The following ATL1 variants were observed in gnomAD, a reference collection of about 807,000 sequenced individuals.
ATL1 encodes atlastin GTPase 1.
In ATL1, 31 loss-of-function variants were observed where a neutral mutation model predicts 75.5. The observed-to-expected ratio is 0.41, with a 90% CI of 0.31 to 0.55. The LOEUF (loss-of-function observed/expected upper bound fraction) is 0.55, where lower values mean the gene tolerates loss of function less well. Among genes scored for constraint, ATL1 ranks in the 20% least tolerant of loss-of-function variants. The pLI is 0.27. For missense variants in ATL1, 405 were observed against 662.6 expected (o/e 0.61, Z 4.27); for synonymous variants, 226 against 233.3 (o/e 0.97, Z 0.28).
chr14:50,595,692 G>A, intron 6 of ATL1, 60 bp downstream of exon 6: 2 of 1,457,042 alleles, frequency 1.4e-6, no homozygotes, highest in South Asian at 2.3e-5. Flanking sequence ...CTGTAACCAG[G>A]TATATTAATT....
chr14:50,570,176 T>A (rs2038941523), intron 1 of ATL1, among the ~76,000 whole-genome samples: 2 of 152,204 alleles, frequency 1.3e-5, no homozygotes, highest in African/African-American at 4.8e-5. Context: ...TTACAATGTG[T>A]ATGTTGGTTC....
intron 6 of ATL1, among the ~76,000 whole-genome samples, chr14:50,612,730 A>C (rs930616251): frequency 1.3e-5 from 2 of 152,068 alleles, no homozygotes; most frequent in African/African-American, 4.8e-5. Flanking sequence ...CCAAATGTTA[A>C]CTATCGTTAA....
upstream of ATL1, among the ~76,000 whole-genome samples, chr14:50,556,240 C>G (rs2038763901): frequency 6.6e-6 from 1 of 151,932 alleles, no homozygotes; most frequent in Non-Finnish European, 1.5e-5. Context: ...TGTTTTGTTT[C>G]ATTTTTTGAG....
chr14:50,541,496 G>A (rs1300563721), intron 1 of ATL1, among the ~76,000 whole-genome samples: 1 of 152,172 alleles, frequency 6.6e-6, no homozygotes, highest in Non-Finnish European at 1.5e-5. Flanking sequence ...TTTGTATTTT[G>A]AGACAATGTA....
chr14:50,632,349 T>C lies in ATL1; in HGVS notation c.*10T>C, dbSNP rs754425431. The C allele has an allele frequency of 7.7e-5, 119 of 1,549,384 alleles. No individual in the cohort carries two copies. Among genetic ancestry groups the C allele is most frequent in the Non-Finnish European group, 9.7e-5 (109 of 1,121,764 alleles). ...AAAGAAAAAAATGTAATGCAAATTTTAAGAAATACAGGTGCATGACCAATT... is the reference window on the plus strand; with the variant it reads ...AAAGAAAAAAATGTAATGCAAATTTCAAGAAATACAGGTGCATGACCAATT... On this transcript the variant is annotated 3_prime_UTR_variant, in exon 14 of 14. Transcript: ENST00000358385.
intron 6 of ATL1, among the ~76,000 whole-genome samples, chr14:50,597,005 T>C (rs1201403770): frequency 2.0e-5 from 3 of 150,466 alleles, no homozygotes; most frequent in African/African-American, 7.3e-5. Flanking sequence ...AGGTCAGGAG[T>C]TCAAGACCAG....
chr14:50,546,940 T>C (rs1187791219), intron 1 of ATL1, among the ~76,000 whole-genome samples: 1 of 152,160 alleles, frequency 6.6e-6, no homozygotes, highest in South Asian at 2.1e-4. Context: ...TGCACCCATA[T>C]ACCCGTCATC....
chr14:50,537,464 G>A (rs1312094531), intron 1 of ATL1, among the ~76,000 whole-genome samples: 9 of 152,208 alleles, frequency 5.9e-5, no homozygotes, highest in Admixed American at 3.9e-4. Context: ...TTCCTACTGA[G>A]GTACTGCCTA....
chr14:50,573,622 G>A (rs909038609), intron 1 of ATL1, among the ~76,000 whole-genome samples: 1 of 152,086 alleles, frequency 6.6e-6, no homozygotes, highest in Non-Finnish European at 1.5e-5. Context: ...GATGCGGTAT[G>A]CAATATATGT....
At position 50,580,314 on chromosome 14, in the gene ATL1, G is replaced by A. The variant is rs74051564; in HGVS notation, c.35-7517G>A. On this transcript the variant is annotated intron_variant, in intron 1 of 13. Transcript: ENST00000358385. The stretch of plus-strand genomic sequence containing the variant: ...GGAGAAAGCTTTCAGTATTTTAACA[G>A]TAAATGTAACATTAGCTATATTTGT... 5.9e-3 allele frequency among the ~76,000 whole-genome samples: 897 copies of A among 152,274 alleles called. 13 individuals carry two copies. The highest frequency in any genetic ancestry group is 0.02 in the African/African-American group (846 of 41,574).
chr14:50,579,297 G>T (rs1490492655), intron 1 of ATL1, among the ~76,000 whole-genome samples: 1 of 152,120 alleles, frequency 6.6e-6, no homozygotes, highest in Non-Finnish European at 1.5e-5. Flanking sequence ...TAAATCAGAT[G>T]ATTGTATATG....
At chr14:50,599,333 G>A (rs1267163976) in intron 6 of ATL1, among the ~76,000 whole-genome samples, 1 of 152,124 alleles carries the variant, frequency 6.6e-6, no homozygotes, top group Non-Finnish European at 1.5e-5. Context: ...AAGTCTCACT[G>A]ATAATTAGAT....
chr14:50,591,320 G>A (rs928311900), intron 3 of ATL1, among the ~76,000 whole-genome samples: 11 of 152,118 alleles, frequency 7.2e-5, no homozygotes, highest in Admixed American at 2.0e-4. Context: ...GCTACATAAA[G>A]TTTCTGTTAC....
intron 1 of ATL1, chr14:50,572,088 T>C: frequency 1.9e-6 from 1 of 522,842 alleles, no homozygotes. Context: ...TAATTTCAGT[T>C]ATAACTTCTT....
chr14:50,548,302 TGAA>T (rs376070148), intron 1 of ATL1, among the ~76,000 whole-genome samples: 16 of 152,254 alleles, frequency 1.1e-4, no homozygotes, highest in African/African-American at 3.9e-4. Flanking sequence ...TACACCCTAA[TGAA>T]GAAGAGTAAA....
intron 1 of ATL1, among the ~76,000 whole-genome samples, chr14:50,545,273 C>T (rs1416095702): frequency 1.3e-5 from 2 of 152,224 alleles, no homozygotes; most frequent in African/African-American, 4.8e-5. Flanking sequence ...AACTCATCTA[C>T]TTGCCAATCT....
chr14:50,603,505 T>C (rs1209239088), intron 6 of ATL1, among the ~76,000 whole-genome samples: 1 of 151,896 alleles, frequency 6.6e-6, no homozygotes, highest in African/African-American at 2.4e-5. Context: ...ATAATAATAC[T>C]CTATTACATT....
chr14:50,621,762 G>A, intron 9 of ATL1, 81 bp from the exon 10 acceptor site: 1 of 864,864 alleles, frequency 1.2e-6, no homozygotes, highest in Non-Finnish European at 1.9e-6. Context: ...GAAATGTCAA[G>A]AACTTAGAAT....
At chr14:50,549,512 C>T (rs1324113227) in intron 1 of ATL1, among the ~76,000 whole-genome samples, 2 of 152,174 alleles carry the variant, frequency 1.3e-5, no homozygotes, top group Non-Finnish European at 2.9e-5. Context: ...AAAGGCATAC[C>T]TTAACCTGTG....
Sources: gnomAD v4.1 joint callset for allele counts (sites outside exome capture counted in the v4.1 genomes callset) on GRCh38, gnomAD v4.1.1 for gene constraint, MANE v1.5 for transcripts, NCBI Gene and HGNC (gene_info 2026-07-23, HGNC 2026-07-21) for gene names.